The following BNC2 variants were observed in gnomAD, a reference collection of about 807,000 sequenced individuals.
The protein encoded by BNC2 is zinc finger protein basonuclin-2.
BNC2 carries 20 observed loss-of-function variants against 76.3 expected under a neutral mutation model. That is an observed-to-expected ratio of 0.26 (90% confidence interval 0.18 to 0.38). BNC2 has a LOEUF of 0.38. BNC2 is among the 10% of genes least tolerant of loss of function. The pLI, the probability that BNC2 is intolerant of heterozygous loss-of-function variation, is 1.00. For synonymous variants in BNC2, 582 were observed against 514.8 expected (o/e 1.13, Z -1.77); for missense variants, 1,382 against 1,399.8 (o/e 0.99, Z 0.20).
chr9:16,857,293 C>T (rs759763062), intron 1 of BNC2, among the ~76,000 whole-genome samples: 1 of 151,728 alleles, frequency 6.6e-6, no homozygotes, highest in Non-Finnish European at 1.5e-5. Flanking sequence ...GCCTGTCCAG[C>T]GTGGTGAAAC....
chr9:16,528,887 CACCGTAGTGGCTTATA>C (rs1351196925), intron 5 of BNC2, among the ~76,000 whole-genome samples: 2 of 152,174 alleles, frequency 1.3e-5, no homozygotes, highest in African/African-American at 4.8e-5. Flanking sequence ...AAATTACTAC[CACCGTAGTGGCTTATA>C]ACAATGGAAA....
chr9:16,751,652 A>ATATATATGTATATATGTG (rs775227367), intron 1 of BNC2, among the ~76,000 whole-genome samples: 7 of 86,930 alleles, frequency 8.1e-5, no homozygotes, highest in African/African-American at 3.5e-4. Context: ...GTATGTGTGT[A>ATATATATGTATATATGTG]TATATATATG....
At chr9:16,565,940 C>T (rs1008628725) in intron 4 of BNC2, among the ~76,000 whole-genome samples, 4 of 145,030 alleles carry the variant, frequency 2.8e-5, no homozygotes, top group Admixed American at 6.7e-5. Flanking sequence ...TCGGCCAGGA[C>T]ATGAACAAGA....
chr9:16,453,798 G>C (rs1443998312), intron 5 of BNC2, among the ~76,000 whole-genome samples: 31 of 152,130 alleles, frequency 2.0e-4, no homozygotes, highest in Admixed American at 2.0e-3. Flanking sequence ...TGACAGAGTA[G>C]ACTCCATCTT....
intron 6 of BNC2, among the ~76,000 whole-genome samples, chr9:16,432,667 T>G (rs1264978835): frequency 1.3e-5 from 2 of 152,162 alleles, no homozygotes; most frequent in Non-Finnish European, 2.9e-5. Flanking sequence ...CTCTAATGCT[T>G]TATTTGCACA....
chr9:16,866,827 G>A (rs1819556578), intron 1 of BNC2, among the ~76,000 whole-genome samples: 1 of 151,976 alleles, frequency 6.6e-6, no homozygotes, highest in Admixed American at 6.6e-5. Context: ...TCTTCAGAGG[G>A]GATTTTACTA....
chr9:16,743,541 G>C (rs141948859), intron 1 of BNC2, among the ~76,000 whole-genome samples: 1 of 152,234 alleles, frequency 6.6e-6, no homozygotes, highest in African/African-American at 2.4e-5. Flanking sequence ...TCACATGTTG[G>C]CCACATTAAT....
intron 5 of BNC2, among the ~76,000 whole-genome samples, chr9:16,516,209 T>C (rs1327804196): frequency 6.6e-6 from 1 of 152,178 alleles, no homozygotes; most frequent in East Asian, 1.9e-4. Context: ...CACATTAACA[T>C]GCATTTTCTT....
chr9:16,804,201 C>T (rs1028818909), intron 1 of BNC2, among the ~76,000 whole-genome samples: 1 of 152,162 alleles, frequency 6.6e-6, no homozygotes, highest in East Asian at 1.9e-4. Context: ...GTCAATAAAG[C>T]ATCATAAAAT....
rs180828132 is a variant in BNC2 at position 16,698,722 on chromosome 9, T to C, written c.330+29075A>G. The stretch of plus-strand genomic sequence containing the variant: ...AAAAAAAAGCCATGATGAATACCTA[T>C]ATTTACGGACATGGAAAGATACTTA... On this transcript the variant is annotated intron_variant, in intron 3 of 6. Transcript: ENST00000380672. Among the ~76,000 whole-genome samples, 279 of 152,128 alleles carry C rather than the reference T, an allele frequency of 1.8e-3. 2 individuals carry two copies. Among genetic ancestry groups the C allele is most frequent in the Middle Eastern group, 0.017 (5 of 294 alleles).
At chr9:16,689,801 G>A (rs1378569432) in intron 3 of BNC2, among the ~76,000 whole-genome samples, 4 of 152,018 alleles carry the variant, frequency 2.6e-5, no homozygotes, top group African/African-American at 4.8e-5. Context: ...AATGCCAAGC[G>A]GCAAGAGGAA....
intron 3 of BNC2, among the ~76,000 whole-genome samples, chr9:16,613,870 G>C (rs973122612): frequency 6.6e-6 from 1 of 152,164 alleles, no homozygotes; most frequent in African/African-American, 2.4e-5. Flanking sequence ...ATTCCAGACA[G>C]GCAGTGTATT....
intron 3 of BNC2, among the ~76,000 whole-genome samples, chr9:16,725,964 C>G (rs144012308): frequency 1.4e-5 from 2 of 143,908 alleles, no homozygotes; most frequent in Admixed American, 7.2e-5. Context: ...TAGAGGGAGA[C>G]GTAAGCCAAT....
intron 3 of BNC2, chr9:16,665,101 G>A (rs937046852): frequency 4.4e-6 from 2 of 455,848 alleles, no homozygotes; most frequent in Non-Finnish European, 8.8e-6. Flanking sequence ...GGGTGCAGTG[G>A]CTCACGCCTG....
intron 3 of BNC2, among the ~76,000 whole-genome samples, chr9:16,698,417 G>A (rs1050945677): frequency 1.3e-5 from 2 of 152,146 alleles, no homozygotes; most frequent in Admixed American, 6.5e-5. Context: ...AGGGCCGGGC[G>A]CGGTGGCTCA....
chr9:16,734,728 A>G (rs767305450), intron 2 of BNC2, among the ~76,000 whole-genome samples: 13 of 152,222 alleles, frequency 8.5e-5, no homozygotes, highest in Non-Finnish European at 1.8e-4. Flanking sequence ...GCCCGTGACA[A>G]AAGAAAAAAT....
chr9:16,496,651 A>C (rs1587096613), intron 5 of BNC2, among the ~76,000 whole-genome samples: 1 of 152,312 alleles, frequency 6.6e-6, no homozygotes, highest in Non-Finnish European at 1.5e-5. Flanking sequence ...TATTTAATAT[A>C]ATTTTCATCA....
chr9:16,580,009 A>C, intron 4 of BNC2: 1 of 398,052 alleles, frequency 2.5e-6, no homozygotes, highest in Non-Finnish European at 4.4e-6. Context: ...CATGCATTTC[A>C]GAGGAAAATT....
chr9:16,603,301 G>T (rs1820293955), intron 3 of BNC2, among the ~76,000 whole-genome samples: 1 of 152,188 alleles, frequency 6.6e-6, no homozygotes, highest in Non-Finnish European at 1.5e-5. Context: ...TCTACACAGT[G>T]TCAGGTAGAA....
Sources: allele counts gnomAD v4.1 joint callset (sites outside exome capture counted in the v4.1 genomes callset), GRCh38; gene constraint gnomAD v4.1.1; transcripts MANE v1.5; gene names NCBI Gene and HGNC (gene_info 2026-07-23, HGNC 2026-07-21).